COL12A1: variants seen among roughly 807,000 people sequenced by gnomAD.
The protein encoded by COL12A1 is collagen alpha-1(XII) chain.
Under a neutral mutation model 349.7 loss-of-function variants are expected in COL12A1, and 114 were observed. The observed-to-expected ratio is 0.33, with a 90% CI of 0.28 to 0.38. COL12A1 has a LOEUF of 0.38. Ranked by LOEUF, COL12A1 falls within the 10% of genes least tolerant of loss-of-function variation. The pLI, the probability that COL12A1 is intolerant of heterozygous loss-of-function variation, is 1.00. For synonymous variants in COL12A1, 1,369 were observed against 1,329.0 expected, an observed-to-expected ratio of 1.03 and a Z score of -0.66; for missense variants, 3,284 against 3,756.9, an observed-to-expected ratio of 0.87 and a Z score of 3.29.
Position 75,085,364 on chromosome 6 carries a change from C to G in COL12A1, c.*1183G>C, listed in dbSNP as rs1767438513. ...AGGCCCCGCCCTCGGGCACGTAAGGCTCTGTCCGATTCAACATTACAATTA... is the reference window on the plus strand; with the variant it reads ...AGGCCCCGCCCTCGGGCACGTAAGGGTCTGTCCGATTCAACATTACAATTA... On this transcript the variant is annotated 3_prime_UTR_variant, in exon 66 of 66. Coordinates refer to ENST00000322507, the MANE Select transcript of COL12A1 (RefSeq NM_004370.6). 2.1e-6 allele frequency: 1 copy of G among 470,606 alleles called. No individual in the cohort carries two copies. The highest frequency in any genetic ancestry group is 1.5e-5 in the South Asian group (1 of 64,536). 29.2% of individuals were successfully genotyped at this position (470,606 alleles called of 1,614,324 possible).
chr6:75,132,012 G>C lies in COL12A1; in HGVS notation c.5865C>G (p.Asp1955Glu). The C allele has an allele frequency of 6.2e-7, 1 of 1,614,144 alleles. No individual in the cohort carries two copies. Among genetic ancestry groups the C allele is most frequent in the Non-Finnish European group, 8.5e-7 (1 of 1,179,984 alleles). Residue 1955 changes from aspartate to glutamate, a missense_variant, in exon 35 of 66, where the codon GAC becomes GAG. Asp to Glu is a conservative substitution (Grantham distance 45). Around this residue, in one of 2 missense-constraint regions of COL12A1, gnomAD observed 2,601 missense variants for 2,824.8 expected, o/e 0.92. Transcript: ENST00000322507. ...ATTGCAGCACAGGTCCTGGAGCAGG[G>C]TCCCAGCGAACATCGAGGCTGTTAG... Reference protein sequence around the residue: ...PTPNSLDVRWDPAPGPVLQYR... With the variant: ...PTPNSLDVRWEPAPGPVLQYR...
At chr6:75,145,828 C>T (rs1367104953) in intron 24 of COL12A1, among the ~76,000 whole-genome samples, 1 of 152,040 alleles carries the variant, frequency 6.6e-6, no homozygotes, top group Non-Finnish European at 1.5e-5. Context: ...AACGGTGTTT[C>T]ACCATATTGG....
At chr6:75,190,603 C>T (rs1448383036) in intron 5 of COL12A1, among the ~76,000 whole-genome samples, 1 of 151,778 alleles carries the variant, frequency 6.6e-6, no homozygotes, top group Non-Finnish European at 1.5e-5. Flanking sequence ...GTTATCTTTC[C>T]TTCTCTCTAT....
rs1767729566 is a variant in COL12A1 at position 75,090,918 on chromosome 6, C to CT, written c.8752+404dup. Among the ~76,000 whole-genome samples the CT allele has an allele frequency of 6.6e-6, 1 of 152,106 alleles. No homozygotes were observed. Among genetic ancestry groups the CT allele is most frequent in the African/African-American group, 2.4e-5 (1 of 41,420 alleles). ...CCCACACCAGTCTGCAGGTACTGAG[C>CT]TTCATTACTTAACAGGCCTTATGGA... On this transcript the variant is annotated intron_variant, in intron 62 of 65. Coordinates refer to ENST00000322507, the MANE Select transcript of COL12A1 (RefSeq NM_004370.6). The surrounding 1 kb of genome is among the most constrained non-coding windows in gnomAD (Gnocchi z 4.1).
Position 75,090,087 on chromosome 6 carries a change from A to G in COL12A1, c.8941+23T>C. On this transcript the variant is annotated intron_variant, in intron 63 of 65. Coordinates refer to ENST00000322507, the MANE Select transcript of COL12A1 (RefSeq NM_004370.6). The surrounding 1 kb of genome is among the most constrained non-coding windows in gnomAD (Gnocchi z 4.1). ...TTTGCAAATTCCTTCCTTTATCCCA[A>G]TACAGAAGCCAGAAATGCCTACCTC... The G allele has an allele frequency of 1.2e-6, 2 of 1,611,506 alleles. No homozygotes were observed. The highest frequency in any genetic ancestry group is 1.7e-6 in the Non-Finnish European group (2 of 1,179,454).
In COL12A1 at chr6:75,156,319, A is replaced by G; in HGVS notation, c.3188T>C (p.Ile1063Thr). 2 of 1,613,868 alleles carry G rather than the reference A, an allele frequency of 1.2e-6. No individual in the cohort carries two copies. The highest frequency in any genetic ancestry group is 1.7e-6 in the Non-Finnish European group (2 of 1,179,856). ...KRLQPQTTYD[I>T]TVLPIYKMGE... is the part of the protein sequence containing the mutation. The stretch of plus-strand genomic sequence containing the variant: ...CATCTTGTAAATAGGAAGAACTGTG[A>G]TGTCATATGTGGTCTGTGGCTGAAG... The change falls in exon 15 of 66, where the codon ATC becomes ACC. Residue 1063 changes from isoleucine to threonine, a missense_variant. Coordinates refer to ENST00000322507, the MANE Select transcript of COL12A1 (RefSeq NM_004370.6).
rs200378966 is a variant in COL12A1, at chr6:75,191,711, G to A, written c.384C>T (p.Thr128=). ...TKPVEKKPGK[T]EIQKCSVSAW... is the part of the protein sequence containing the mutation. ...AAGAGAAACACTCACTTTGTATCTC[G>A]GTTTTTCCAGGTTTCTTCTCCACTG... is the stretch of plus-strand genomic sequence containing the variant. The change falls in exon 5 of 66, where the codon ACC becomes ACT. Residue 128 remains threonine (T), a synonymous_variant. Coordinates refer to ENST00000322507, the MANE Select transcript of COL12A1 (RefSeq NM_004370.6). 164 of 1,593,164 alleles carry A rather than the reference G, an allele frequency of 1.0e-4. No homozygotes were observed. Among genetic ancestry groups the A allele is most frequent in the Non-Finnish European group, 1.3e-4 (155 of 1,169,794 alleles).
chr6:75,198,782 A>G (rs1035045317), intron 2 of COL12A1, among the ~76,000 whole-genome samples: 1 of 152,188 alleles, frequency 6.6e-6, no homozygotes, highest in Non-Finnish European at 1.5e-5. Context: ...TGGTAAGTAT[A>G]CATAATGCGC....
chr6:75,149,877 TC>T, intron 21 of COL12A1, among the ~76,000 whole-genome samples: 1 of 152,204 alleles, frequency 6.6e-6, no homozygotes, highest in Non-Finnish European at 1.5e-5. Flanking sequence ...TTCATCCCAC[TC>T]AAAGTTCTCT....
intron 14 of COL12A1, among the ~76,000 whole-genome samples, chr6:75,158,549 AAAAT>A (rs1767872088): frequency 6.6e-6 from 1 of 152,194 alleles, no homozygotes; most frequent in Non-Finnish European, 1.5e-5. Context: ...AATAAGAAGA[AAAAT>A]CAATCAATAG....
intron 26 of COL12A1, among the ~76,000 whole-genome samples, 177 bp from the exon 27 acceptor site, chr6:75,142,338 GA>G (rs374702942): frequency 6.6e-6 from 1 of 151,590 alleles, no homozygotes; most frequent in African/African-American, 2.4e-5. Flanking sequence ...TTCCAAACTG[GA>G]AAAAAAATGT....
At position 75,133,934 on chromosome 6, in the gene COL12A1, C is replaced by T. The variant is rs377417661; in HGVS notation, c.5588G>A (p.Arg1863His). 2.3e-5 allele frequency: 37 copies of T among 1,613,948 alleles called. No individual in the cohort carries two copies. The highest frequency in any genetic ancestry group is 4.0e-5 in the African/African-American group (3 of 74,908). The change falls in exon 33 of 66, where the codon CGC becomes CAC. Residue 1863 changes from arginine (R) to histidine (H), a missense_variant. This residue lies in a region of COL12A1 where 2,601 missense variants were observed against 2,824.8 expected (regional missense o/e 0.92). Coordinates refer to ENST00000322507, the MANE Select transcript of COL12A1 (RefSeq NM_004370.6). Reference sequence around the variant, plus strand: ...AGGATTTCCCTCTGCATGGTCCCAGCGGACATTCAAGGTGCTGGTAGAAGG... The same window carrying T: ...AGGATTTCCCTCTGCATGGTCCCAGTGGACATTCAAGGTGCTGGTAGAAGG... Reference protein sequence around the residue: ...YDPSTSTLNVRWDHAEGNPRQ... With the variant: ...YDPSTSTLNVHWDHAEGNPRQ...
rs1278492116 is a variant in COL12A1 at position 75,085,213 on chromosome 6, G to A, written c.*1334C>T. 4.3e-6 allele frequency: 2 copies of A among 468,388 alleles called. No homozygotes were observed. The highest frequency in any genetic ancestry group is 2.4e-5 in the Admixed American group (1 of 42,510). The allele number at this position is 468,388 out of a possible 1,614,324, so 29.0% of individuals were successfully genotyped here. A position where few individuals can be genotyped will look rare whatever the true frequency, so the allele number is the denominator to read the frequency against. On this transcript the variant is annotated 3_prime_UTR_variant, in exon 66 of 66. Coordinates refer to ENST00000322507, the MANE Select transcript of COL12A1 (RefSeq NM_004370.6). Reference sequence around the variant, plus strand: ...GTTCACTGCCCGGGTCCGTGGGGCAGGGCGCGCCGCCAGCGCCGGTGGGGC... The same window carrying A: ...GTTCACTGCCCGGGTCCGTGGGGCAAGGCGCGCCGCCAGCGCCGGTGGGGC...
At chr6:75,127,064 A>T (rs1285238687) in intron 38 of COL12A1, among the ~76,000 whole-genome samples, 1 of 152,148 alleles carries the variant, frequency 6.6e-6, no homozygotes, top group Non-Finnish European at 1.5e-5. Context: ...GCATTGCGCA[A>T]ATAACGAATC....
chr6:75,129,627 C>T (rs1029790031), intron 37 of COL12A1, among the ~76,000 whole-genome samples: 29 of 151,834 alleles, frequency 1.9e-4, no homozygotes, highest in Non-Finnish European at 1.0e-4. Context: ...TAAAGTGTAC[C>T]GCAAAATGTT....
In COL12A1 at chr6:75,133,324, A is replaced by G. The variant is rs144223578; in HGVS notation, c.5763T>C (p.Asp1921=). The G allele has an allele frequency of 1.7e-5, 27 of 1,607,318 alleles. No homozygotes were observed. In the African/African-American group the frequency reaches 2.4e-4, roughly 14 times the overall value. ...VTVVPVYTEG[D]GGRTSDTGRT... The stretch of plus-strand genomic sequence containing the variant: ...TTCCAGTATCTGATGTGCGTCCCCC[A>G]TCACCTTCAGTATAAACGGGAACTA... Residue 1921 remains aspartate (D), a synonymous_variant, in exon 34 of 66, where the codon GAT becomes GAC. Transcript: ENST00000322507.
intron 25 of COL12A1, among the ~76,000 whole-genome samples, chr6:75,143,875 C>A (rs1444352560): frequency 2.0e-5 from 3 of 152,132 alleles, no homozygotes; most frequent in African/African-American, 7.2e-5. Context: ...ACCCAGACAC[C>A]TAAATTGTTA....
intron 43 of COL12A1, among the ~76,000 whole-genome samples, chr6:75,122,203 A>G (rs1247880623): frequency 6.6e-6 from 1 of 152,222 alleles, no homozygotes; most frequent in East Asian, 1.9e-4. Flanking sequence ...GAAGATTTTT[A>G]TTGGAATATC....
chr6:75,096,883 G>A (rs1768061885), intron 59 of COL12A1, among the ~76,000 whole-genome samples: 1 of 122,438 alleles, frequency 8.2e-6, no homozygotes. Flanking sequence ...GCGACAGAGC[G>A]AGACTCCGTC....
Sources: allele counts gnomAD v4.1 joint callset (sites outside exome capture counted in the v4.1 genomes callset), GRCh38; gene constraint gnomAD v4.1.1; regional missense constraint gnomAD v4.1.1; non-coding constraint Gnocchi (gnomAD v3.1); transcripts MANE v1.5; gene names NCBI Gene and HGNC (gene_info 2026-07-23, HGNC 2026-07-21).